The following SLC5A4 variants were observed in gnomAD, a reference collection of about 807,000 sequenced individuals.
SLC5A4 encodes solute carrier family 5 member 4.
A neutral mutation model predicts 70.3 loss-of-function variants in SLC5A4; 55 were observed. The ratio of observed to expected loss-of-function variants is 0.78; its 90% CI spans 0.63 to 0.98. SLC5A4 has a LOEUF of 0.98. Among genes scored for constraint, SLC5A4 ranks in the 50% least tolerant of loss-of-function variants. The pLI, the probability that SLC5A4 is intolerant of heterozygous loss-of-function variation, is 0.00. For synonymous variants in SLC5A4, 268 were observed against 305.7 expected, an observed-to-expected ratio of 0.88 and a Z score of 1.29; for missense variants, 735 against 839.2, an observed-to-expected ratio of 0.88 and a Z score of 1.53.
chr22:32,279,943 T>C, the SLC5A4 span, among the ~76,000 whole-genome samples: 1 of 152,190 alleles, frequency 6.6e-6, no homozygotes, highest in East Asian at 1.9e-4. Flanking sequence ...TCAAGGGTGA[T>C]GCACACCTGG....
the SLC5A4 span, chr22:32,272,067 A>G: frequency 3.6e-3 from 2,310 of 644,848 alleles, 47 homozygotes; most frequent in African/African-American, 0.037. Flanking sequence ...TCCCAATGCC[A>G]GGATTGAGCT....
At chr22:32,323,448 C>G in the SLC5A4 span, among the ~76,000 whole-genome samples, 2 of 152,194 alleles carry the variant, frequency 1.3e-5, no homozygotes, top group East Asian at 3.9e-4. Flanking sequence ...GGTTCAGTTA[C>G]GGCCTGACCC....
At chr22:32,306,054 C>T in the SLC5A4 span, among the ~76,000 whole-genome samples, 4 of 152,188 alleles carry the variant, frequency 2.6e-5, no homozygotes, top group African/African-American at 9.7e-5. Flanking sequence ...TACAGAATGA[C>T]AAATTATGTG....
chr22:32,308,654 T>C, the SLC5A4 span, among the ~76,000 whole-genome samples: 1 of 152,168 alleles, frequency 6.6e-6, no homozygotes, highest in Non-Finnish European at 1.5e-5. Context: ...TGAATCTTTC[T>C]GATGATGAGG....
chr22:32,337,380 G>C, the SLC5A4 span, among the ~76,000 whole-genome samples: 1 of 152,166 alleles, frequency 6.6e-6, no homozygotes, highest in Non-Finnish European at 1.5e-5. Flanking sequence ...TAAAAATACA[G>C]AAAGTTAGCT....
the SLC5A4 span, among the ~76,000 whole-genome samples, chr22:32,265,117 T>C: frequency 6.6e-6 from 1 of 152,220 alleles, no homozygotes; most frequent in Non-Finnish European, 1.5e-5. Context: ...ATTTGCTTCC[T>C]TGCCAGGCAT....
the SLC5A4 span, among the ~76,000 whole-genome samples, chr22:32,274,101 G>A: frequency 0.045 from 6,754 of 150,538 alleles, 523 homozygotes; most frequent in African/African-American, 0.16. Flanking sequence ...GTGCAGTGGC[G>A]TCATCTCGGC....
chr22:32,284,660 T>C, the SLC5A4 span: 2 of 152,232 alleles, frequency 1.3e-5, no homozygotes, highest in South Asian at 4.1e-4. Context: ...CACCATATTC[T>C]ATTGATCACA....
chr22:32,332,032 C>T, the SLC5A4 span, among the ~76,000 whole-genome samples: 30 of 152,168 alleles, frequency 2.0e-4, no homozygotes, highest in African/African-American at 7.2e-4. Flanking sequence ...TCCTTCTCAG[C>T]CCCCACCCCA....
At chr22:32,233,551 G>A (rs558433530) in intron 8 of SLC5A4, among the ~76,000 whole-genome samples, 10 of 152,202 alleles carry the variant, frequency 6.6e-5, no homozygotes, top group Non-Finnish European at 1.3e-4. Context: ...TGATAGCGAA[G>A]GGGTCATTGG....
chr22:32,334,231 C>T, the SLC5A4 span, among the ~76,000 whole-genome samples: 1 of 152,278 alleles, frequency 6.6e-6, no homozygotes, highest in South Asian at 2.1e-4. Flanking sequence ...GTCCTAGCCC[C>T]TCAGGACCCA....
the SLC5A4 span, among the ~76,000 whole-genome samples, chr22:32,291,170 A>G: frequency 1.0e-5 from 1 of 96,616 alleles, no homozygotes; most frequent in Non-Finnish European, 2.2e-5. Flanking sequence ...ATTTATCTTC[A>G]TTGTTCTCTT....
At chr22:32,351,748 CGGGGGGGGG>C in the SLC5A4 span, among the ~76,000 whole-genome samples, 10 of 11,832 alleles carry the variant, frequency 8.5e-4, 1 homozygote, top group East Asian at 0.015. Flanking sequence ...GGGGGGAGGG[CGGGGGGGGG>C]GTGGGCGGGT....
intron 11 of SLC5A4, 140 bp downstream of exon 11, chr22:32,229,054 A>G: frequency 1.4e-6 from 1 of 708,972 alleles, no homozygotes; most frequent in Non-Finnish European, 2.3e-6. Flanking sequence ...GATCACTTGA[A>G]TTTGATGTAC....
At chr22:32,337,162 C>CCA in the SLC5A4 span, among the ~76,000 whole-genome samples, 4 of 152,198 alleles carry the variant, frequency 2.6e-5, no homozygotes, top group African/African-American at 9.7e-5. Context: ...AATTGGCCTC[C>CCA]CAGGACCACC....
chr22:32,234,839 C>T, intron 8 of SLC5A4, 34 bp downstream of exon 8: 1 of 1,462,280 alleles, frequency 6.8e-7, no homozygotes, highest in Non-Finnish European at 9.6e-7. Context: ...GACAGACAGA[C>T]AGACAGACAG....
chr22:32,232,725 G>A (rs929386035), intron 9 of SLC5A4, among the ~76,000 whole-genome samples, 174 bp downstream of exon 9: 7 of 152,116 alleles, frequency 4.6e-5, no homozygotes, highest in South Asian at 2.1e-4. Flanking sequence ...GGAACAGAGC[G>A]TCCAATATGC....
At chr22:32,300,233 G>T in the SLC5A4 span, among the ~76,000 whole-genome samples, 1 of 151,738 alleles carries the variant, frequency 6.6e-6, no homozygotes, top group African/African-American at 2.4e-5. Flanking sequence ...CCTGGGCAAT[G>T]GGGGGCGCCC....
the SLC5A4 span, among the ~76,000 whole-genome samples, chr22:32,291,790 TC>T: frequency 1.3e-5 from 2 of 151,104 alleles, no homozygotes; most frequent in African/African-American, 4.8e-5. Context: ...TTTCTTGTTT[TC>T]CCAATGTATG....
Sources: gnomAD v4.1 joint callset for allele counts (sites outside exome capture counted in the v4.1 genomes callset) on GRCh38, gnomAD v4.1.1 for gene constraint, MANE v1.5 for transcripts, NCBI Gene and HGNC (gene_info 2026-07-23, HGNC 2026-07-21) for gene names.